FTO: variants seen among roughly 807,000 people sequenced by gnomAD.
FTO encodes FTO alpha-ketoglutarate dependent dioxygenase.
FTO carries 47 observed loss-of-function variants against 63.9 expected under a neutral mutation model. The ratio of observed to expected loss-of-function variants is 0.74; its 90% CI spans 0.58 to 0.94. The LOEUF is 0.94. FTO is among the 40% of genes least tolerant of loss of function. The pLI is 0.00. For missense variants in FTO, 562 were observed against 618.1 expected, an observed-to-expected ratio of 0.91 and a Z score of 0.96; for synonymous variants, 207 against 224.4, an observed-to-expected ratio of 0.92 and a Z score of 0.69.
intron 1 of FTO, among the ~76,000 whole-genome samples, chr16:53,761,497 G>C (rs9940700): frequency 0.31 from 46,612 of 152,014 alleles, 9,667 homozygotes; most frequent in African/African-American, 0.59. Context: ...AAGTTAATTT[G>C]TTGTGTTAAT....
At chr16:54,078,315 A>G (rs2086050077) in intron 8 of FTO, among the ~76,000 whole-genome samples, 1 of 147,338 alleles carries the variant, frequency 6.8e-6, no homozygotes, top group African/African-American at 2.5e-5. Flanking sequence ...GTGTGTGTGT[A>G]AATATATATA....
intron 8 of FTO, among the ~76,000 whole-genome samples, chr16:53,970,596 A>AC (rs2083294393): frequency 6.6e-6 from 1 of 151,686 alleles, no homozygotes; most frequent in South Asian, 2.1e-4. Flanking sequence ...ATCTCAAAAA[A>AC]AAAAAAAAAA....
intron 1 of FTO, among the ~76,000 whole-genome samples, chr16:53,747,401 T>A (rs996086806): frequency 4.6e-5 from 7 of 152,224 alleles, no homozygotes; most frequent in Non-Finnish European, 1.0e-4. Context: ...TGAGGGGATA[T>A]CTCATTGTGG....
intron 8 of FTO, among the ~76,000 whole-genome samples, chr16:54,056,875 G>A (rs1246684575): frequency 6.6e-6 from 1 of 152,256 alleles, no homozygotes; most frequent in Admixed American, 6.5e-5. Context: ...TTGTTACCCG[G>A]CATTAGGTAA....
At chr16:54,012,540 A>G (rs1048899942) in intron 8 of FTO, among the ~76,000 whole-genome samples, 13 of 152,224 alleles carry the variant, frequency 8.5e-5, no homozygotes, top group African/African-American at 1.7e-4. Context: ...ACAACCTTCT[A>G]TTGGAAGAAG....
chr16:53,976,961 TTCTC>T (rs1260899854), intron 8 of FTO, among the ~76,000 whole-genome samples: 3 of 152,162 alleles, frequency 2.0e-5, no homozygotes. Context: ...GATGTTGCCT[TTCTC>T]TCTCCAATGT....
At chr16:54,032,516 G>A (rs1166848002) in intron 8 of FTO, among the ~76,000 whole-genome samples, 6 of 152,244 alleles carry the variant, frequency 3.9e-5, no homozygotes, top group African/African-American at 1.4e-4. Context: ...CATTATGTCT[G>A]CTCAGTCATC....
At chr16:53,719,611 G>T (rs2075987479) in intron 1 of FTO, among the ~76,000 whole-genome samples, 1 of 141,976 alleles carries the variant, frequency 7.0e-6, no homozygotes, top group Non-Finnish European at 1.5e-5. Context: ...TTTAAAAATT[G>T]ACTATATTTG....
chr16:54,079,915 T>G (rs2086099227), intron 8 of FTO, among the ~76,000 whole-genome samples: 1 of 152,160 alleles, frequency 6.6e-6, no homozygotes, highest in Non-Finnish European at 1.5e-5. Flanking sequence ...TTTTAAATAT[T>G]GCAAGAGTCA....
chr16:53,759,001 G>C (rs1275390905), intron 1 of FTO, among the ~76,000 whole-genome samples: 2 of 152,104 alleles, frequency 1.3e-5, no homozygotes, highest in Non-Finnish European at 2.9e-5. Flanking sequence ...AAATAATTCA[G>C]AAAAAAGGAT....
intron 1 of FTO, among the ~76,000 whole-genome samples, chr16:53,756,028 C>G (rs563733556): frequency 6.6e-6 from 1 of 152,208 alleles, no homozygotes; most frequent in African/African-American, 2.4e-5. Context: ...AACGCCAAAC[C>G]CTTGGATTGC....
intron 8 of FTO, chr16:53,984,805 G>A (rs1315913529): frequency 2.5e-6 from 1 of 401,996 alleles, no homozygotes; most frequent in South Asian, 1.9e-5. Flanking sequence ...AGTGATATTG[G>A]GATATGATTA....
At chr16:54,073,835 A>C (rs2085926289) in intron 8 of FTO, among the ~76,000 whole-genome samples, 1 of 152,176 alleles carries the variant, frequency 6.6e-6, no homozygotes, top group Non-Finnish European at 1.5e-5. Flanking sequence ...AAATTTATAG[A>C]ATACTCATTT....
At chr16:53,996,996 T>A (rs2083946575) in intron 8 of FTO, among the ~76,000 whole-genome samples, 1 of 151,762 alleles carries the variant, frequency 6.6e-6, no homozygotes, top group East Asian at 1.9e-4. Context: ...GCCTGTAATC[T>A]CAGCTGTTCA....
rs542045433 is a variant in FTO, at chr16:54,101,340, T to C, written c.1365-10422T>C. ...TGTTTCCTTCTTTGTGTTCATAGGTTCTTATCATTTAACTCCCACTTAAAA... is the reference window on the plus strand; with the variant it reads ...TGTTTCCTTCTTTGTGTTCATAGGTCCTTATCATTTAACTCCCACTTAAAA... On this transcript the variant is annotated intron_variant, in intron 8 of 8. Coordinates refer to ENST00000471389, the MANE Select transcript of FTO (RefSeq NM_001080432.3). Among the ~76,000 whole-genome samples the C allele has an allele frequency of 3.3e-4, 50 of 152,318 alleles. 1 individual carries two copies. Among genetic ancestry groups the C allele is most frequent in the African/African-American group, 1.1e-3 (44 of 41,560 alleles).
At chr16:53,843,508 T>C (rs1300547067) in intron 3 of FTO, among the ~76,000 whole-genome samples, 2 of 152,354 alleles carry the variant, frequency 1.3e-5, no homozygotes, top group East Asian at 3.9e-4. Flanking sequence ...TTATGTATTG[T>C]GCCTTTATAA....
intron 7 of FTO, among the ~76,000 whole-genome samples, chr16:53,915,038 AAG>A (rs1206562012): frequency 6.6e-6 from 1 of 152,192 alleles, no homozygotes; most frequent in Non-Finnish European, 1.5e-5. Flanking sequence ...AAGAGCCACA[AAG>A]AGAGCATATT....
chr16:53,883,126 T>C (rs2080884784), intron 6 of FTO, among the ~76,000 whole-genome samples: 1 of 152,216 alleles, frequency 6.6e-6, no homozygotes, highest in East Asian at 1.9e-4. Context: ...TCTCAAAATG[T>C]AGTTATTTCC....
intron 8 of FTO, among the ~76,000 whole-genome samples, chr16:54,086,240 C>G (rs74877972): frequency 0.02 from 3,095 of 152,246 alleles, 62 homozygotes; most frequent in Non-Finnish European, 0.033. Context: ...AACCATTTTT[C>G]TGCTCGTGCT....
Sources: gnomAD v4.1 joint callset for allele counts (sites outside exome capture counted in the v4.1 genomes callset) on GRCh38, gnomAD v4.1.1 for gene constraint, MANE v1.5 for transcripts, NCBI Gene and HGNC (gene_info 2026-07-23, HGNC 2026-07-21) for gene names.